Variants in LHFPL6 observed in about 807,000 individuals in gnomAD.
LHFPL6 encodes the protein LHFPL tetraspan subfamily member 6 protein.
In LHFPL6, 9 loss-of-function variants were observed where a neutral mutation model predicts 20.6. The ratio of observed to expected loss-of-function variants is 0.44; its 90% CI spans 0.26 to 0.76. The LOEUF is 0.76. Among genes scored for constraint, LHFPL6 ranks in the 30% least tolerant of loss-of-function variants. The pLI is 0.20. For missense variants in LHFPL6, 218 were observed against 253.5 expected (o/e 0.86, Z 0.95); for synonymous variants, 105 against 98.7 (o/e 1.06, Z -0.38).
intron 3 of LHFPL6, among the ~76,000 whole-genome samples, chr13:39,373,522 A>C (rs1403934000): frequency 6.6e-6 from 1 of 152,208 alleles, no homozygotes; most frequent in African/African-American, 2.4e-5. Flanking sequence ...GCCACTCAAC[A>C]AGAAAATTGT....
chr13:39,591,330 T>A (rs1872584914), intron 2 of LHFPL6, among the ~76,000 whole-genome samples: 1 of 152,000 alleles, frequency 6.6e-6, no homozygotes. Flanking sequence ...GTAGCTGGAG[T>A]CATACATCAA....
intron 2 of LHFPL6, among the ~76,000 whole-genome samples, chr13:39,472,619 T>G (rs560027831): frequency 2.3e-4 from 35 of 152,198 alleles, no homozygotes; most frequent in African/African-American, 5.8e-4. Flanking sequence ...ATTAATTTTT[T>G]TGTGTGTGTG....
intron 2 of LHFPL6, among the ~76,000 whole-genome samples, chr13:39,584,371 A>G (rs1872380329): frequency 6.6e-6 from 1 of 152,068 alleles, no homozygotes; most frequent in African/African-American, 2.4e-5. Context: ...TACCAAAAAT[A>G]CAAAAATTAG....
chr13:39,475,567 A>T (rs1370914949), intron 2 of LHFPL6, among the ~76,000 whole-genome samples: 1 of 152,150 alleles, frequency 6.6e-6, no homozygotes, highest in Non-Finnish European at 1.5e-5. Context: ...GTAGCAGCAC[A>T]TCTTGTAACA....
At chr13:39,412,175 T>TGAATCAG (rs528860517) in intron 2 of LHFPL6, among the ~76,000 whole-genome samples, 314 of 152,326 alleles carry the variant, frequency 2.1e-3, no homozygotes, top group African/African-American at 7.0e-3. Flanking sequence ...CCTACCTAAC[T>TGAATCAG]GAATCAGGAG....
At chr13:39,487,552 T>G (rs539475590) in intron 2 of LHFPL6, among the ~76,000 whole-genome samples, 1 of 152,362 alleles carries the variant, frequency 6.6e-6, no homozygotes, top group East Asian at 1.9e-4. Context: ...TTAATCATAC[T>G]GAGCTTTGAA....
intron 2 of LHFPL6, among the ~76,000 whole-genome samples, chr13:39,428,299 T>C (rs1336484867): frequency 6.6e-6 from 1 of 152,220 alleles, no homozygotes; most frequent in East Asian, 1.9e-4. Flanking sequence ...TATTACTTTT[T>C]CTTAAAAGTT....
Position 39,586,925 on chromosome 13 carries a change from G to A in LHFPL6, c.385+13907C>T, listed in dbSNP as rs147505885. ...TAATCCTAGCACTTTGGGAGGCCGA[G>A]GTGGGTAGATCGCCTGAGGTCAGGA... On this transcript the variant is annotated intron_variant, in intron 2 of 3. Transcript: ENST00000379589. Among the ~76,000 whole-genome samples, 14 of 152,232 alleles carry A rather than the reference G, an allele frequency of 9.2e-5. No homozygotes were observed. The East Asian group carries it at 2.5e-3, about 27-fold the overall frequency.
At chr13:39,596,538 A>G (rs1254299372) in intron 2 of LHFPL6, among the ~76,000 whole-genome samples, 1 of 152,156 alleles carries the variant, frequency 6.6e-6, no homozygotes, top group Non-Finnish European at 1.5e-5. Context: ...GATGCATACT[A>G]GAGTTTAAAA....
At chr13:39,551,787 TTTCTGGCATC>T (rs1293735666) in intron 2 of LHFPL6, among the ~76,000 whole-genome samples, 11 of 152,228 alleles carry the variant, frequency 7.2e-5, no homozygotes. Flanking sequence ...TTAGTTTTTA[TTTCTGGCATC>T]TTCTTTTTCA....
intron 2 of LHFPL6, among the ~76,000 whole-genome samples, chr13:39,475,516 C>T (rs1209084763): frequency 6.6e-6 from 1 of 151,724 alleles, no homozygotes; most frequent in East Asian, 1.9e-4. Flanking sequence ...TGTCAGAATA[C>T]AATGATTTAA....
chr13:39,443,481 A>G (rs1217021019), intron 2 of LHFPL6, among the ~76,000 whole-genome samples: 2 of 152,172 alleles, frequency 1.3e-5, no homozygotes, highest in African/African-American at 2.4e-5. Context: ...AGAATTGGGT[A>G]ATGCATAGAG....
In LHFPL6 at chr13:39,560,085, A is replaced by G. The variant is rs922325381; in HGVS notation, c.385+40747T>C. 1.2e-4 allele frequency among the ~76,000 whole-genome samples: 18 copies of G among 152,172 alleles called. 1 individual carries two copies. The highest frequency in any genetic ancestry group is 1.1e-3 in the Admixed American group (17 of 15,280). ...CATGAGAAAAGGCACTTGGCAATCT[A>G]TCAACATGGTAACTATCCGATCTAC... On this transcript the variant is annotated intron_variant, in intron 2 of 3. Transcript: ENST00000379589.
At chr13:39,483,483 AT>A (rs34041103) in intron 2 of LHFPL6, among the ~76,000 whole-genome samples, 11,963 of 137,828 alleles carry the variant, frequency 0.087, 634 homozygotes, top group Admixed American at 0.16. Flanking sequence ...CCTCATTACA[AT>A]TTTTTTTTTT....
In LHFPL6 at chr13:39,481,716, C is replaced by T. The variant is rs542643572; in HGVS notation, c.386-103190G>A. ...GCGGGAGACTGATTCAGGAGGCATC[C>T]GCAGGAACTGGCAAGGATCCGATCA... On this transcript the variant is annotated intron_variant, in intron 2 of 3. Transcript: ENST00000379589. Among the ~76,000 whole-genome samples, 6 of 152,212 alleles carry T rather than the reference C, an allele frequency of 3.9e-5. No homozygotes were observed. The South Asian group carries it at 8.3e-4, about 21-fold the overall frequency.
At chr13:39,577,941 GC>G (rs372871746) in intron 2 of LHFPL6, among the ~76,000 whole-genome samples, 5 of 152,002 alleles carry the variant, frequency 3.3e-5, no homozygotes, top group African/African-American at 1.2e-4. Context: ...AATCCCATGA[GC>G]CCAGCCCCAA....
intron 2 of LHFPL6, among the ~76,000 whole-genome samples, chr13:39,515,928 T>C (rs914905623): frequency 5.9e-5 from 9 of 152,234 alleles, no homozygotes; most frequent in African/African-American, 1.9e-4. Flanking sequence ...TAGTTTTAGA[T>C]GAATTCATAC....
At chr13:39,465,143 T>A (rs2138431888) in intron 2 of LHFPL6, among the ~76,000 whole-genome samples, 1 of 152,324 alleles carries the variant, frequency 6.6e-6, no homozygotes, top group East Asian at 1.9e-4. Flanking sequence ...GATTCTTTAT[T>A]CTCATGGGAT....
In LHFPL6 at chr13:39,392,883, C is replaced by T. The variant is rs1456845135; in HGVS notation, c.386-14357G>A. On this transcript the variant is annotated intron_variant, in intron 2 of 3. Transcript: ENST00000379589. ...CCCTCTGTATCCATGAGTTCTGAAT[C>T]CATGGATTCAACCAGCTGTGGATCA... Among the ~76,000 whole-genome samples, 8 of 151,814 alleles carry T rather than the reference C, an allele frequency of 5.3e-5. No individual in the cohort carries two copies. In the East Asian group the frequency reaches 1.5e-3, roughly 29 times the overall value.
Sources: gnomAD v4.1 joint callset for allele counts (sites outside exome capture counted in the v4.1 genomes callset) on GRCh38, gnomAD v4.1.1 for gene constraint, MANE v1.5 for transcripts, NCBI Gene and HGNC (gene_info 2026-07-23, HGNC 2026-07-21) for gene names.